The following GOLGA4 variants were observed in gnomAD, a reference collection of about 807,000 sequenced individuals.
GOLGA4 encodes the protein golgin subfamily A member 4.
GOLGA4 carries 169 observed loss-of-function variants against 265.9 expected under a neutral mutation model. That is an observed-to-expected ratio of 0.64 (90% CI 0.56 to 0.72). The LOEUF is 0.72. Among genes scored for constraint, GOLGA4 ranks in the 30% least tolerant of loss-of-function variants. The pLI is 0.00. For missense variants in GOLGA4, 2,482 were observed against 2,483.4 expected (o/e 1.00, Z 0.01); for synonymous variants, 923 against 855.8 (o/e 1.08, Z -1.37).
Position 37,357,132 on chromosome 3 carries a change from T to G in GOLGA4, c.6663+1945T>G, listed in dbSNP as rs188124540. Among the ~76,000 whole-genome samples the G allele has an allele frequency of 1.1e-3, 174 of 152,286 alleles. 2 individuals are homozygous for G. Among genetic ancestry groups the G allele is most frequent in the Non-Finnish European group, 2.0e-3 (134 of 67,992 alleles). On this transcript the variant is annotated intron_variant, in intron 22 of 23. Transcript: ENST00000361924. ...AAGAGTCTTTGAAAAACAGACTGTT[T>G]TCTTCCTGAATACAGTGGTATTCAT... is the stretch of plus-strand genomic sequence containing the variant.
At chr3:37,255,098 T>A (rs1450529030) in intron 2 of GOLGA4, among the ~76,000 whole-genome samples, 1 of 151,870 alleles carries the variant, frequency 6.6e-6, no homozygotes, top group Admixed American at 6.6e-5. Context: ...TCCAAACTTA[T>A]CTTTAGACTC....
rs2096966059 is a variant in GOLGA4, at chr3:37,325,066, A to G, written c.3180A>G (p.Glu1060=). Residue 1060 remains glutamate (E), a synonymous_variant, in exon 14 of 24, where the codon GAA becomes GAG. Coordinates refer to ENST00000361924, the MANE Select transcript of GOLGA4 (RefSeq NM_002078.5). ...ATCAGCAAGCTGAAGAACTTCAGGA[A>G]ATACATGAAATCCAATTACAGGAAA... is the stretch of plus-strand genomic sequence containing the variant. ...KLNQQAEELQ[E]IHEIQLQEKE... 6.2e-7 allele frequency: 1 copy of G among 1,613,016 alleles called. No homozygotes were observed. The highest frequency in any genetic ancestry group is 1.3e-5 in the African/African-American group (1 of 74,932).
intron 2 of GOLGA4, among the ~76,000 whole-genome samples, chr3:37,268,612 C>T (rs1190928104): frequency 1.3e-5 from 2 of 151,544 alleles, no homozygotes; most frequent in African/African-American, 4.9e-5. Flanking sequence ...TCTTTTGATA[C>T]CCAGGCTGGA....
At chr3:37,257,457 A>G (rs2096751989) in intron 2 of GOLGA4, among the ~76,000 whole-genome samples, 1 of 152,046 alleles carries the variant, frequency 6.6e-6, no homozygotes, top group South Asian at 2.1e-4. Context: ...AGGTTTTCTC[A>G]TTTGTAAAAT....
intron 10 of GOLGA4, among the ~76,000 whole-genome samples, chr3:37,309,645 C>G (rs747270856): frequency 3.9e-5 from 6 of 152,208 alleles, no homozygotes; most frequent in African/African-American, 7.2e-5. Context: ...TTCATTCTAC[C>G]TATATTTTCC....
chr3:37,335,517 A>G (rs2097008101), intron 17 of GOLGA4, among the ~76,000 whole-genome samples: 1 of 152,162 alleles, frequency 6.6e-6, no homozygotes, highest in South Asian at 2.1e-4. Context: ...TCCATTGTAA[A>G]TGTGATACTT....
At position 37,325,658 on chromosome 3, in the gene GOLGA4, A is replaced by G. The variant is rs115487157; in HGVS notation, c.3772A>G (p.Thr1258Ala). 129 of 1,613,984 alleles carry G rather than the reference A, an allele frequency of 8.0e-5. No homozygotes were observed. The highest frequency in any genetic ancestry group is 1.1e-4 in the Non-Finnish European group (126 of 1,179,854). ...GATTTCTCATTGTCAGCACCGTACA[A>G]CTAAAGTTAAGGAGGCACTGTTAAT... is the stretch of plus-strand genomic sequence containing the variant. ...SRISHCQHRT[T>A]KVKEALLIKT... The change falls in exon 14 of 24, where the codon ACT becomes GCT. Residue 1258 changes from threonine to alanine, a missense_variant. This residue lies in a region of GOLGA4 where 1,536 missense variants were observed against 1,483.7 expected (regional missense o/e 1.04). Coordinates refer to ENST00000361924, the MANE Select transcript of GOLGA4 (RefSeq NM_002078.5).
chr3:37,328,371 T>G (rs753890269), intron 14 of GOLGA4, 45 bp from the exon 15 acceptor site: 2 of 1,594,528 alleles, frequency 1.3e-6, no homozygotes. Context: ...CCTTGCAGCT[T>G]GTTCTTTGTG....
intron 10 of GOLGA4, 84 bp downstream of exon 10, chr3:37,302,416 A>C: frequency 8.5e-7 from 1 of 1,180,712 alleles, no homozygotes; most frequent in Non-Finnish European, 1.2e-6. Context: ...AAATGAGTTA[A>C]ATATTGATAA....
At chr3:37,343,738 G>A (rs1053709967) in intron 20 of GOLGA4, among the ~76,000 whole-genome samples, 1 of 152,198 alleles carries the variant, frequency 6.6e-6, no homozygotes, top group Non-Finnish European at 1.5e-5. Flanking sequence ...GGTAGAACTA[G>A]AGGCTTGAGC....
chr3:37,358,629 G>A (rs1266251014), intron 22 of GOLGA4, among the ~76,000 whole-genome samples: 1 of 152,122 alleles, frequency 6.6e-6, no homozygotes, highest in African/African-American at 2.4e-5. Context: ...AGTTGCCTGC[G>A]CTGAGTGATA....
chr3:37,257,449 GTTTTCTCATTTGTAA>G (rs2096751979), intron 2 of GOLGA4, among the ~76,000 whole-genome samples: 1 of 152,122 alleles, frequency 6.6e-6, no homozygotes, highest in South Asian at 2.1e-4. Flanking sequence ...TCAGTCTCAG[GTTTTCTCATTTGTAA>G]AATGAGAAAT....
In GOLGA4 at chr3:37,243,461, A is replaced by C; in HGVS notation, c.-90A>C. On this transcript the variant is annotated 5_prime_UTR_variant, in exon 1 of 24. The change abolishes the stop of an existing upstream ORF in the 5' untranslated region. Coordinates refer to ENST00000361924, the MANE Select transcript of GOLGA4 (RefSeq NM_002078.5). ...CCCGGCCCCCGCTGTCCCTGGTGTA[A>C]AGAAGTCGCCGTAGCCGTCGCGGCC... 9.0e-7 allele frequency: 1 copy of C among 1,114,546 alleles called. No individual in the cohort carries two copies. 69.0% of individuals were successfully genotyped at this position (1,114,546 alleles called of 1,614,324 possible).
In GOLGA4 at chr3:37,326,348, C is replaced by A; in HGVS notation, c.4462C>A (p.Leu1488Ile). 5 of 1,612,494 alleles carry A rather than the reference C, an allele frequency of 3.1e-6. No individual in the cohort carries two copies. Among genetic ancestry groups the A allele is most frequent in the Non-Finnish European group, 4.2e-6 (5 of 1,179,456 alleles). Residue 1488 changes from leucine (L) to isoleucine (I), a missense_variant, in exon 14 of 24, where the codon CTT becomes ATT. Around this residue, in one of 3 missense-constraint regions of GOLGA4, gnomAD observed 942 missense variants for 983.1 expected, o/e 0.96. Coordinates refer to ENST00000361924, the MANE Select transcript of GOLGA4 (RefSeq NM_002078.5). Reference protein sequence around the residue: ...DEQINLLKEELDQQNKRFDCL... With the variant: ...DEQINLLKEEIDQQNKRFDCL... ...GCAGATAAATTTATTGAAGGAAGAG[C>A]TTGATCAGCAAAATAAAAGATTTGA...
At chr3:37,346,776 G>C (rs1013783100) in intron 20 of GOLGA4, among the ~76,000 whole-genome samples, 1 of 152,256 alleles carries the variant, frequency 6.6e-6, no homozygotes, top group East Asian at 1.9e-4. Context: ...TCTCCTAGTA[G>C]TACACGAGTC....
chr3:37,335,032 C>CTT, intron 16 of GOLGA4, 21 bp from the exon 17 acceptor site: 1 of 1,353,404 alleles, frequency 7.4e-7, no homozygotes, highest in Non-Finnish European at 1.0e-6. Context: ...TCCTTTTTTT[C>CTT]TTTTTTTTTA....
chr3:37,262,792 T>A (rs1292885166), intron 2 of GOLGA4, among the ~76,000 whole-genome samples: 1 of 152,172 alleles, frequency 6.6e-6, no homozygotes, highest in African/African-American at 2.4e-5. Flanking sequence ...TGAGTAATCC[T>A]ACCAAAACCA....
intron 2 of GOLGA4, among the ~76,000 whole-genome samples, chr3:37,264,777 C>CA: frequency 6.6e-6 from 1 of 152,102 alleles, no homozygotes; most frequent in Non-Finnish European, 1.5e-5. Flanking sequence ...GGTGTGATCA[C>CA]AGCTCACTGC....
intron 12 of GOLGA4, among the ~76,000 whole-genome samples, chr3:37,320,783 G>A (rs1352509329): frequency 2.6e-5 from 4 of 152,222 alleles, no homozygotes; most frequent in East Asian, 1.9e-4. Flanking sequence ...ATACACATGC[G>A]TGGGTACCTG....
Sources: gnomAD v4.1 joint callset for allele counts (sites outside exome capture counted in the v4.1 genomes callset) on GRCh38, gnomAD v4.1.1 for gene constraint, gnomAD v4.1.1 regional missense constraint, MANE v1.5 for transcripts, NCBI Gene and HGNC (gene_info 2026-07-23, HGNC 2026-07-21) for gene names.